The following VWA3B variants were observed in gnomAD, a reference collection of about 807,000 sequenced individuals.
VWA3B encodes von Willebrand factor A domain-containing protein 3B.
Under a neutral mutation model 158.3 loss-of-function variants are expected in VWA3B, and 138 were observed. That is an observed-to-expected ratio of 0.87 (90% confidence interval 0.76 to 1.00). The LOEUF (loss-of-function observed/expected upper bound fraction) is 1.00. VWA3B is among the 50% of genes least tolerant of loss of function. The pLI, the probability that VWA3B is intolerant of heterozygous loss-of-function variation, is 0.00. For missense variants in VWA3B, 1,555 were observed against 1,565.1 expected, an observed-to-expected ratio of 0.99 and a Z score of 0.11; for synonymous variants, 596 against 587.3, an observed-to-expected ratio of 1.01 and a Z score of -0.21.
At chr2:98,148,777 C>T (rs762084881) in intron 7 of VWA3B, among the ~76,000 whole-genome samples, 45 of 152,162 alleles carry the variant, frequency 3.0e-4, no homozygotes, top group Non-Finnish European at 5.9e-4. Context: ...ATATTATATT[C>T]TTCTATATGA....
At chr2:98,210,276 G>A (rs1683400339) in intron 12 of VWA3B, among the ~76,000 whole-genome samples, 1 of 152,114 alleles carries the variant, frequency 6.6e-6, no homozygotes, top group Non-Finnish European at 1.5e-5. Context: ...CATCCTTTAA[G>A]AGTCTTCCCT....
At chr2:98,179,406 A>C in intron 8 of VWA3B, 1 of 352,314 alleles carries the variant, frequency 2.8e-6, no homozygotes, top group South Asian at 1.7e-5. Context: ...GGCAATTGGC[A>C]TTGTGGTTAT....
chr2:98,190,100 T>A (rs1681447132), intron 10 of VWA3B, among the ~76,000 whole-genome samples: 1 of 152,154 alleles, frequency 6.6e-6, no homozygotes, highest in Non-Finnish European at 1.5e-5. Flanking sequence ...TTGCTATTTG[T>A]TTTCTGTTCC....
chr2:98,236,501 A>G (rs753166014), intron 18 of VWA3B, 24 bp downstream of exon 18: 7 of 1,614,068 alleles, frequency 4.3e-6, no homozygotes. Context: ...TTTGACAAAG[A>G]CAGTTCTGTT....
intron 13 of VWA3B, among the ~76,000 whole-genome samples, chr2:98,214,220 A>G (rs1407784130): frequency 6.6e-6 from 1 of 150,892 alleles, no homozygotes; most frequent in Admixed American, 6.6e-5. Context: ...AAAGCAAAAC[A>G]CAAAAAAAAC....
intron 10 of VWA3B, among the ~76,000 whole-genome samples, chr2:98,188,476 G>A (rs1047965440): frequency 2.0e-5 from 3 of 151,936 alleles, no homozygotes; most frequent in Admixed American, 6.6e-5. Flanking sequence ...TTTTGTATTC[G>A]CTAACCAACC....
At chr2:98,267,601 T>C (rs1461797839) in intron 21 of VWA3B, among the ~76,000 whole-genome samples, 9 of 151,728 alleles carry the variant, frequency 5.9e-5, no homozygotes, top group African/African-American at 1.9e-4. Flanking sequence ...AGATCCAAAA[T>C]TGACACCCTA....
At chr2:98,194,641 G>A (rs1221975365) in intron 12 of VWA3B, 149 bp downstream of exon 12, 1 of 880,118 alleles carries the variant, frequency 1.1e-6, no homozygotes, top group Non-Finnish European at 1.7e-6. Context: ...GCTTGCAGTG[G>A]TCACGTTAAT....
intron 19 of VWA3B, among the ~76,000 whole-genome samples, chr2:98,244,436 C>T (rs1171576193): frequency 6.6e-6 from 1 of 152,088 alleles, no homozygotes; most frequent in East Asian, 1.9e-4. Context: ...AAATATATCT[C>T]TTAAGCTGTT....
intron 3 of VWA3B, among the ~76,000 whole-genome samples, chr2:98,116,706 A>C (rs548420259): frequency 1.3e-5 from 2 of 152,112 alleles, no homozygotes; most frequent in Non-Finnish European, 2.9e-5. Context: ...GGGTCTCGCC[A>C]TGTTGCCCAG....
intron 19 of VWA3B, among the ~76,000 whole-genome samples, chr2:98,246,033 T>C (rs1187596091): frequency 6.6e-6 from 1 of 152,178 alleles, no homozygotes; most frequent in Non-Finnish European, 1.5e-5. Flanking sequence ...TTCTTAACTT[T>C]CTTTCTCTTC....
At chr2:98,120,352 G>T (rs1446775559) in intron 4 of VWA3B, among the ~76,000 whole-genome samples, 5 of 152,186 alleles carry the variant, frequency 3.3e-5, no homozygotes, top group Non-Finnish European at 1.5e-5. Flanking sequence ...TCTGGATAAC[G>T]GTTGGGGAAG....
chr2:98,203,415 G>C (rs1223071781), intron 12 of VWA3B, among the ~76,000 whole-genome samples: 2 of 152,082 alleles, frequency 1.3e-5, no homozygotes. Context: ...CTATTCTTGG[G>C]CCTTTATTTT....
At chr2:98,272,508 G>A (rs950013050) in intron 22 of VWA3B, among the ~76,000 whole-genome samples, 5 of 152,176 alleles carry the variant, frequency 3.3e-5, no homozygotes, top group African/African-American at 9.6e-5. Context: ...AGGGATGATC[G>A]ATTAAAGCAT....
At chr2:98,095,096 T>G (rs1682623465) in intron 2 of VWA3B, among the ~76,000 whole-genome samples, 1 of 152,232 alleles carries the variant, frequency 6.6e-6, no homozygotes, top group East Asian at 1.9e-4. Context: ...AAGGTTGCTT[T>G]GGGTATTCTG....
chr2:98,200,792 G>T (rs559442169), intron 12 of VWA3B, among the ~76,000 whole-genome samples: 2 of 152,218 alleles, frequency 1.3e-5, no homozygotes, highest in East Asian at 1.9e-4. Flanking sequence ...ATCCTCAAAT[G>T]TAATGGTTTT....
At position 98,214,749 on chromosome 2, in the gene VWA3B, A is replaced by G. The variant is rs552718376; in HGVS notation, c.1836+2721A>G. 9.2e-5 allele frequency among the ~76,000 whole-genome samples: 14 copies of G among 152,210 alleles called. 1 individual carries two copies. In the South Asian group the frequency reaches 2.7e-3, roughly 29 times the overall value. On this transcript the variant is annotated intron_variant, in intron 13 of 27. Coordinates refer to ENST00000477737, the MANE Select transcript of VWA3B (RefSeq NM_144992.5). ...CCATCACATGGCTATCCCATCACTT[A>G]TTTAGCTAGTCCCCTGCAGATACGC... is the stretch of plus-strand genomic sequence containing the variant.
At chr2:98,181,697 C>T (rs1680594941) in intron 9 of VWA3B, among the ~76,000 whole-genome samples, 1 of 152,202 alleles carries the variant, frequency 6.6e-6, no homozygotes, top group Non-Finnish European at 1.5e-5. Context: ...CCATTAAAAA[C>T]TTTGAAAGCT....
At chr2:98,127,664 G>A (rs1675489545) in intron 5 of VWA3B, among the ~76,000 whole-genome samples, 5 of 151,494 alleles carry the variant, frequency 3.3e-5, no homozygotes, top group South Asian at 4.2e-4. Context: ...CTGGTTTGGC[G>A]GCAAGAAGCA....
Sources: gnomAD v4.1 joint callset for allele counts (sites outside exome capture counted in the v4.1 genomes callset) on GRCh38, gnomAD v4.1.1 for gene constraint, MANE v1.5 for transcripts, NCBI Gene and HGNC (gene_info 2026-07-23, HGNC 2026-07-21) for gene names.